TRAPPC10: variants seen among roughly 807,000 people sequenced by gnomAD.
TRAPPC10 encodes the protein TRAPP 130 kDa subunit.
TRAPPC10 carries 23 observed loss-of-function variants against 125.5 expected under a neutral mutation model. The ratio of observed to expected loss-of-function variants is 0.18; its 90% confidence interval spans 0.13 to 0.26. The LOEUF (loss-of-function observed/expected upper bound fraction) is 0.26. Ranked by LOEUF, TRAPPC10 falls within the 10% of genes least tolerant of loss-of-function variation. The probability of loss-of-function intolerance (pLI) is 1.00; values close to 1 mark genes in which losing one functional copy is unlikely to be tolerated. For synonymous variants in TRAPPC10, 509 were observed against 518.0 expected, an observed-to-expected ratio of 0.98 and a Z score of 0.24; for missense variants, 1,123 against 1,308.4, an observed-to-expected ratio of 0.86 and a Z score of 2.19.
At chr21:44,025,935 G>A (rs2033021324) in intron 1 of TRAPPC10, among the ~76,000 whole-genome samples, 2 of 150,406 alleles carry the variant, frequency 1.3e-5, no homozygotes, top group African/African-American at 4.9e-5. Flanking sequence ...AGGCTGAATG[G>A]GTATAACGTT....
intron 1 of TRAPPC10, among the ~76,000 whole-genome samples, chr21:44,018,344 G>A (rs1318912620): frequency 1.3e-5 from 2 of 151,846 alleles, no homozygotes; most frequent in Admixed American, 6.6e-5. Context: ...CGTCAAGGCT[G>A]CAGTGATCTG....
rs1245073853 is a variant in TRAPPC10 at position 44,037,803 on chromosome 21, G to A, written c.161G>A (p.Arg54Gln). ...EPMEWRRSYG[R>Q]APKMIHLESN... is the part of the protein sequence containing the mutation. ...ACAATTGTTTACAGGTCCTATGGCCGGGCTCCGAAGATGATTCACCTAGAG... is the reference window on the plus strand; with the variant it reads ...ACAATTGTTTACAGGTCCTATGGCCAGGCTCCGAAGATGATTCACCTAGAG... Residue 54 changes from arginine (R) to glutamine (Q), a missense_variant, in exon 3 of 23, where the codon CGG (arginine) becomes CAG (glutamine). Arg to Gln is a conservative substitution (Grantham distance 43, BLOSUM62 1). Coordinates refer to ENST00000291574, the MANE Select transcript of TRAPPC10 (RefSeq NM_003274.5). The A allele has an allele frequency of 1.2e-6, 2 of 1,613,396 alleles. No individual in the cohort carries two copies. Among genetic ancestry groups the A allele is most frequent in the South Asian group, 2.2e-5 (2 of 90,996 alleles).
rs377113678 is a variant in TRAPPC10 at position 44,082,998 on chromosome 21, T to C, written c.1934T>C (p.Leu645Pro). Residue 645 changes from leucine (L) to proline (P), a missense_variant, in exon 14 of 23, where the codon CTT becomes CCT. Around this residue, in one of 4 missense-constraint regions of TRAPPC10, gnomAD observed 840 missense variants for 902.0 expected, o/e 0.93. Coordinates refer to ENST00000291574, the MANE Select transcript of TRAPPC10 (RefSeq NM_003274.5). The surrounding 1 kb of genome is among the most constrained non-coding windows in gnomAD (Gnocchi z 4.4). ...AGCTACCGGAAGACTGCGGAGTGGC[T>C]TACCAAGCACAAGACGTCCAATGGG... ...KNSYRKTAEW[L>P]TKHKTSNGII... 6 of 1,614,062 alleles carry C rather than the reference T, an allele frequency of 3.7e-6. No homozygotes were observed. The highest frequency in any genetic ancestry group is 5.1e-6 in the Non-Finnish European group (6 of 1,180,012).
intron 7 of TRAPPC10, among the ~76,000 whole-genome samples, chr21:44,072,259 TGC>T (rs201652393): frequency 0.018 from 2,713 of 152,344 alleles, 93 homozygotes; most frequent in East Asian, 0.096. Flanking sequence ...TCTCGGCTGC[TGC>T]TGTTCCCTGC....
chr21:44,080,048 C>T lies in TRAPPC10; in HGVS notation c.1644C>T (p.Asp548=), dbSNP rs756462451. Residue 548 remains aspartate, a synonymous_variant, in exon 13 of 23, where the codon GAC becomes GAT. Transcript: ENST00000291574. ...YLQTSSLLAS[D]HHLTEEERKH... ...AGACCAGCAGCCTCTTAGCCAGTGA[C>T]CACCACCTCACTGAAGAGGAGCGCA... 56 of 1,614,064 alleles carry T rather than the reference C, an allele frequency of 3.5e-5. No homozygotes were observed. The highest frequency in any genetic ancestry group is 4.6e-5 in the Non-Finnish European group (54 of 1,180,042).
chr21:44,071,954 T>C (rs916497467), intron 7 of TRAPPC10, among the ~76,000 whole-genome samples: 15 of 152,286 alleles, frequency 9.8e-5, no homozygotes, highest in African/African-American at 3.6e-4. Context: ...GCCTGCTCTC[T>C]CCCACCTCCT....
At chr21:44,040,112 G>A (rs554602018) in intron 3 of TRAPPC10, among the ~76,000 whole-genome samples, 10 of 152,276 alleles carry the variant, frequency 6.6e-5, no homozygotes, top group African/African-American at 2.2e-4. Context: ...GTATCATAGT[G>A]TTTATTAACG....
intron 3 of TRAPPC10, among the ~76,000 whole-genome samples, chr21:44,043,519 CT>C (rs1342747312): frequency 6.6e-6 from 1 of 152,122 alleles, no homozygotes; most frequent in East Asian, 1.9e-4. Context: ...GCCTATTACA[CT>C]TTTATAATAT....
chr21:44,062,221 A>G (rs1296417338), intron 6 of TRAPPC10, among the ~76,000 whole-genome samples: 1 of 152,232 alleles, frequency 6.6e-6, no homozygotes, highest in Non-Finnish European at 1.5e-5. Flanking sequence ...ACTGAATAAG[A>G]TGGTTCGTTT....
At chr21:44,074,290 C>A in intron 7 of TRAPPC10, 34 bp from the exon 8 acceptor site, 1 of 1,612,274 alleles carries the variant, frequency 6.2e-7, no homozygotes, top group Non-Finnish European at 8.5e-7. Flanking sequence ...TGTCCCGGAG[C>A]ACCCCTCACA....
intron 1 of TRAPPC10, among the ~76,000 whole-genome samples, chr21:44,019,174 A>T (rs961969330): frequency 1.1e-4 from 17 of 151,906 alleles, no homozygotes; most frequent in African/African-American, 4.1e-4. Context: ...CTCCCACCTC[A>T]ATCTCCCGAG....
intron 1 of TRAPPC10, among the ~76,000 whole-genome samples, chr21:44,028,855 G>A (rs1462777465): frequency 3.9e-5 from 6 of 152,258 alleles, no homozygotes; most frequent in South Asian, 2.1e-4. Flanking sequence ...ATTAACAAGC[G>A]AGTTCCTGCT....
chr21:44,043,769 C>T (rs1342759413), intron 3 of TRAPPC10, among the ~76,000 whole-genome samples: 1 of 152,102 alleles, frequency 6.6e-6, no homozygotes, highest in Non-Finnish European at 1.5e-5. Context: ...AGAGGAAGTC[C>T]TAAAAGATAA....
At chr21:44,043,539 A>G (rs1219720805) in intron 3 of TRAPPC10, among the ~76,000 whole-genome samples, 2 of 152,178 alleles carry the variant, frequency 1.3e-5, no homozygotes, top group Non-Finnish European at 2.9e-5. Context: ...ATGTATCAAT[A>G]TCTTTCTTTT....
chr21:44,051,940 G>A (rs2035260425), intron 3 of TRAPPC10, among the ~76,000 whole-genome samples: 1 of 152,216 alleles, frequency 6.6e-6, no homozygotes, highest in South Asian at 2.1e-4. Flanking sequence ...GCCATAGTGG[G>A]CCTGGGTTTT....
At position 44,063,388 on chromosome 21, in the gene TRAPPC10, A is replaced by G. The variant is rs2036197676; in HGVS notation, c.791-150A>G. On this transcript the variant is annotated intron_variant, in intron 6 of 22. Coordinates refer to ENST00000291574, the MANE Select transcript of TRAPPC10 (RefSeq NM_003274.5). This position sits in a 1 kb window ranked among gnomAD's most constrained non-coding sequence, Gnocchi z 4.4. ...CTCGGCTGTCAGTGCTGGGAGCCGA[A>G]TGCATCACTAGACCACAGGGGGTGG... 1.7e-5 allele frequency: 21 copies of G among 1,259,646 alleles called. No homozygotes were observed. The South Asian group carries it at 2.7e-4, about 16-fold the overall frequency. 78.0% of individuals were successfully genotyped at this position (1,259,646 alleles called of 1,614,324 possible).
chr21:44,056,627 CAT>C (rs1272376403), intron 5 of TRAPPC10, among the ~76,000 whole-genome samples: 1 of 152,330 alleles, frequency 6.6e-6, no homozygotes, highest in South Asian at 2.1e-4. Context: ...AGTCACGGAA[CAT>C]ATCAAATGAA....
intron 13 of TRAPPC10, among the ~76,000 whole-genome samples, chr21:44,080,879 A>T (rs13052277): frequency 0.25 from 30,715 of 123,754 alleles, 3,866 homozygotes; most frequent in African/African-American, 0.52. Flanking sequence ...TTTTTTTTTT[A>T]AAATGTAACA....
intron 18 of TRAPPC10, 150 bp downstream of exon 18, chr21:44,090,083 T>G (rs909389723): frequency 1.7e-6 from 1 of 596,932 alleles, no homozygotes; most frequent in African/African-American, 1.9e-5. Context: ...AATCCACAAT[T>G]CCCTGGTGTC....
Sources: allele counts gnomAD v4.1 joint callset (sites outside exome capture counted in the v4.1 genomes callset), GRCh38; gene constraint gnomAD v4.1.1; regional missense constraint gnomAD v4.1.1; non-coding constraint Gnocchi (gnomAD v3.1); transcripts MANE v1.5; gene names NCBI Gene and HGNC (gene_info 2026-07-23, HGNC 2026-07-21).